The following CEP85L variants were observed in gnomAD, a reference collection of about 807,000 sequenced individuals.
The protein encoded by CEP85L is centrosomal protein of 85 kDa-like.
CEP85L carries 60 observed loss-of-function variants against 100.3 expected under a neutral mutation model. The observed-to-expected ratio is 0.60, with a 90% confidence interval of 0.49 to 0.74. The LOEUF (loss-of-function observed/expected upper bound fraction) is 0.74. CEP85L is among the 30% of genes least tolerant of loss of function. CEP85L has a pLI of 0.00. For missense variants in CEP85L, 973 were observed against 936.2 expected (o/e 1.04, Z -0.51); for synonymous variants, 319 against 322.7 (o/e 0.99, Z 0.12).
At chr6:118,526,254 T>G (rs954614780) in intron 3 of CEP85L, among the ~76,000 whole-genome samples, 1 of 152,214 alleles carries the variant, frequency 6.6e-6, no homozygotes, top group African/African-American at 2.4e-5. Flanking sequence ...GTAGTTTCAC[T>G]GTGGTTGGTA....
intron 5 of CEP85L, among the ~76,000 whole-genome samples, chr6:118,495,466 G>T (rs1201988812): frequency 6.6e-6 from 1 of 152,136 alleles, no homozygotes; most frequent in Non-Finnish European, 1.5e-5. Context: ...CTTACAAAGG[G>T]CTTTTCCCTC....
At chr6:118,506,287 A>G (rs779889287) in intron 5 of CEP85L, among the ~76,000 whole-genome samples, 6 of 152,174 alleles carry the variant, frequency 3.9e-5, no homozygotes, top group Non-Finnish European at 5.9e-5. Context: ...AAAACCACAT[A>G]CACACACAGT....
intron 2 of CEP85L, among the ~76,000 whole-genome samples, chr6:118,605,435 G>C (rs1284974512): frequency 3.9e-5 from 6 of 151,958 alleles, no homozygotes; most frequent in African/African-American, 1.2e-4. Flanking sequence ...ACTACTATTA[G>C]CCATCCCTTA....
chr6:118,644,484 AC>A (rs34474283), intron 1 of CEP85L, among the ~76,000 whole-genome samples: 32,673 of 151,098 alleles, frequency 0.22, 4,617 homozygotes, highest in East Asian at 0.61. Flanking sequence ...TTTATACCCA[AC>A]TTCATATTCA....
In CEP85L at chr6:118,483,936, A is replaced by G. The variant is rs905872772; in HGVS notation, c.1438-78T>C. ...AACAAAACCAACACTTTAATATTAGACACCATTGAATTCACCAACAGTTTC... is the reference window on the plus strand; with the variant it reads ...AACAAAACCAACACTTTAATATTAGGCACCATTGAATTCACCAACAGTTTC... On this transcript the variant is annotated intron_variant, in intron 6 of 12. Transcript: ENST00000368491. 11 of 1,299,836 alleles carry G rather than the reference A, an allele frequency of 8.5e-6. 2 individuals carry two copies. The Admixed American group carries it at 2.4e-4, about 29-fold the overall frequency. The allele number at this position is 1,299,836 out of a possible 1,614,324, so 80.5% of individuals were successfully genotyped here.
chr6:118,572,954 C>T (rs759406714), intron 2 of CEP85L, among the ~76,000 whole-genome samples: 5 of 150,752 alleles, frequency 3.3e-5, no homozygotes, highest in Non-Finnish European at 5.9e-5. Context: ...ACCAGCTACT[C>T]GGGAGGCTGA....
rs572307069 is a variant in CEP85L at position 118,572,272 on chromosome 6, TAAAAAAAAAAAA to T, written c.233-5968_233-5957del. 3.9e-3 allele frequency among the ~76,000 whole-genome samples: 417 copies of T among 107,638 alleles called. 3 individuals are homozygous for T. The highest frequency in any genetic ancestry group is 0.014 in the African/African-American group (393 of 27,294). The allele number at this position is 107,638 out of a possible 152,430, so 70.6% of individuals were successfully genotyped here. ...GTTATGCCACATGTAACCCATTCTTTAAAAAAAAAAAAAAAAAAAAAAGGTGTATTCCTAGCA... is the reference window on the plus strand; with the variant it reads ...GTTATGCCACATGTAACCCATTCTTTAAAAAAAAAAGGTGTATTCCTAGCA... On this transcript the variant is annotated intron_variant, in intron 2 of 12. Transcript: ENST00000368491.
chr6:118,497,880 TAA>T (rs1775020610), intron 5 of CEP85L, among the ~76,000 whole-genome samples: 1 of 152,246 alleles, frequency 6.6e-6, no homozygotes, highest in Non-Finnish European at 1.5e-5. Flanking sequence ...AGTGACATTT[TAA>T]TTACAGCAAC....
intron 5 of CEP85L, among the ~76,000 whole-genome samples, chr6:118,510,950 T>C (rs1282939548): frequency 6.6e-6 from 1 of 152,052 alleles, no homozygotes; most frequent in Non-Finnish European, 1.5e-5. Flanking sequence ...TATAATTGTA[T>C]ATAACATTTA....
At chr6:118,569,307 AC>A (rs1562270579) in intron 2 of CEP85L, among the ~76,000 whole-genome samples, 1 of 128,364 alleles carries the variant, frequency 7.8e-6, no homozygotes, top group Non-Finnish European at 1.6e-5. Flanking sequence ...GTGCCACTGT[AC>A]TCCAGCCTGG....
chr6:118,500,633 A>G (rs1273675931), intron 5 of CEP85L, among the ~76,000 whole-genome samples: 1 of 152,088 alleles, frequency 6.6e-6, no homozygotes, highest in East Asian at 1.9e-4. Context: ...CCTTCTTCCA[A>G]TTATACTCTT....
At chr6:118,643,575 C>A (rs934189724) in intron 1 of CEP85L, among the ~76,000 whole-genome samples, 5 of 152,096 alleles carry the variant, frequency 3.3e-5, no homozygotes, top group Non-Finnish European at 7.4e-5. Context: ...AGGCATACAA[C>A]AGTTTCTGAT....
chr6:118,470,806 TAG>T (rs1274315189), intron 10 of CEP85L, among the ~76,000 whole-genome samples, 162 bp from the exon 11 acceptor site: 1 of 152,118 alleles, frequency 6.6e-6, no homozygotes, highest in Non-Finnish European at 1.5e-5. Flanking sequence ...CCCTATCAGT[TAG>T]AGAGTGGCTG....
chr6:118,681,199 T>G (rs989504252), intron 1 of CEP85L, among the ~76,000 whole-genome samples: 4 of 152,232 alleles, frequency 2.6e-5, no homozygotes, highest in African/African-American at 9.6e-5. Context: ...AGATGTGGAT[T>G]TATATAAGTC....
intron 3 of CEP85L, among the ~76,000 whole-genome samples, chr6:118,540,713 C>T (rs976472083): frequency 4.6e-5 from 7 of 151,896 alleles, no homozygotes; most frequent in South Asian, 2.1e-4. Context: ...ACCAAGATCA[C>T]GCCACTGCAC....
intron 1 of CEP85L, among the ~76,000 whole-genome samples, chr6:118,683,299 T>C (rs1395862244): frequency 6.6e-6 from 1 of 152,214 alleles, no homozygotes; most frequent in Non-Finnish European, 1.5e-5. Flanking sequence ...TCCAAACCAA[T>C]CTTTGGGGGA....
At chr6:118,673,572 A>G (rs938799170) in intron 1 of CEP85L, among the ~76,000 whole-genome samples, 2 of 152,232 alleles carry the variant, frequency 1.3e-5, no homozygotes, top group South Asian at 2.1e-4. Flanking sequence ...CTTTGGCACA[A>G]TGGTGAGGTC....
chr6:118,626,353 A>G (rs1773794667), intron 2 of CEP85L, among the ~76,000 whole-genome samples: 1 of 152,316 alleles, frequency 6.6e-6, no homozygotes, highest in African/African-American at 2.4e-5. Flanking sequence ...AGAGTTAAAG[A>G]AAAGATTAAC....
intron 8 of CEP85L, among the ~76,000 whole-genome samples, chr6:118,481,128 T>C (rs1463749688): frequency 6.6e-6 from 1 of 152,106 alleles, no homozygotes; most frequent in African/African-American, 2.4e-5. Context: ...CTGTACCTTT[T>C]ACTTGCAGTA....
Sources: gnomAD v4.1 joint callset for allele counts (sites outside exome capture counted in the v4.1 genomes callset) on GRCh38, gnomAD v4.1.1 for gene constraint, MANE v1.5 for transcripts, NCBI Gene and HGNC (gene_info 2026-07-23, HGNC 2026-07-21) for gene names.